ACOT4: variants seen among roughly 807,000 people sequenced by gnomAD.
The protein encoded by ACOT4 is peroxisomal succinyl-coenzyme A thioesterase.
A neutral mutation model predicts 17.1 loss-of-function variants in ACOT4; 18 were observed. The ratio of observed to expected loss-of-function variants is 1.05; its 90% CI spans 0.73 to 1.56. ACOT4 has a LOEUF of 1.56. Ranked by LOEUF, ACOT4 falls within the 40% of genes most tolerant of loss-of-function variation. ACOT4 has a pLI of 0.00. For missense variants in ACOT4, 574 were observed against 557.2 expected, an observed-to-expected ratio of 1.03 and a Z score of -0.30; for synonymous variants, 234 against 236.6, an observed-to-expected ratio of 0.99 and a Z score of 0.10.
In ACOT4 at chr14:73,592,151, C is replaced by T. The variant is rs778519195; in HGVS notation, c.192C>T (p.Arg64=). The T allele has an allele frequency of 2.4e-5, 39 of 1,594,464 alleles. No individual in the cohort carries two copies. In the Admixed American group the frequency reaches 2.8e-4, roughly 11 times the overall value. ...CCCGCGGCGAGCTGGACCTGGAGCG[C>T]GCACCCGCGCTGGGCGGCAGCTTCG... ...ADARGELDLE[R]APALGGSFAG... is the part of the protein sequence containing the mutation. Residue 64 remains arginine, a synonymous_variant, in exon 1 of 3, where the codon CGC becomes CGT. Coordinates refer to ENST00000326303, the MANE Select transcript of ACOT4 (RefSeq NM_152331.4).
chr14:73,592,087 G>T lies in ACOT4; in HGVS notation c.128G>T (p.Gly43Val). The T allele has an allele frequency of 6.7e-7, 1 of 1,490,432 alleles. No homozygotes were observed. Among genetic ancestry groups the T allele is most frequent in the Non-Finnish European group, 8.9e-7 (1 of 1,121,968 alleles). The allele number at this position is 1,490,432 out of a possible 1,614,324, so 92.3% of individuals were successfully genotyped here. Residue 43 changes from glycine to valine, a missense_variant, in exon 1 of 3, where the codon GGC (glycine) becomes GTC (valine). Coordinates refer to ENST00000326303, the MANE Select transcript of ACOT4 (RefSeq NM_152331.4). Reference sequence around the variant, plus strand: ...CGCGCGTCCCTGCGCGACGAGAAGGGCGCGCTCTTCCGGGCCCACGCGCGC... The same window carrying T: ...CGCGCGTCCCTGCGCGACGAGAAGGTCGCGCTCTTCCGGGCCCACGCGCGC... ...TLRASLRDEKGALFRAHARYC... is the reference protein window; with the variant it reads ...TLRASLRDEKVALFRAHARYC...
chr14:73,595,100 TG>T lies in ACOT4; in HGVS notation c.713del (p.Cys238PhefsTer8). 1 of 1,614,168 alleles carries T rather than the reference TG, an allele frequency of 6.2e-7. No homozygotes were observed. Among genetic ancestry groups the T allele is most frequent in the Non-Finnish European group, 8.5e-7 (1 of 1,180,032 alleles). Reference sequence around the variant, plus strand: ...GGGCATTTCTCTAGGAGCTGATATTTGTCTCTCAATGGCCTCATTCTTGAAG... The same window carrying T: ...GGGCATTTCTCTAGGAGCTGATATTTTCTCTCAATGGCCTCATTCTTGAAG... ...LLGISLGADI[C>X]LSMASFLKNV... On this transcript the variant is annotated frameshift_variant, in exon 3 of 3. Coordinates refer to ENST00000326303, the MANE Select transcript of ACOT4 (RefSeq NM_152331.4). LOFTEE classifies it low-confidence loss of function (END_TRUNC).
In ACOT4 at chr14:73,593,298, A is replaced by T. The variant is rs544755368; in HGVS notation, c.458-404A>T. Reference sequence around the variant, plus strand: ...AACCAGAGGGCTGATGCAACAGAACATAAAGTTTTGTTTCAATCTTTTTTC... The same window carrying T: ...AACCAGAGGGCTGATGCAACAGAACTTAAAGTTTTGTTTCAATCTTTTTTC... On this transcript the variant is annotated intron_variant, in intron 1 of 2. Transcript: ENST00000326303. Among the ~76,000 whole-genome samples the T allele has an allele frequency of 2.6e-5, 4 of 151,712 alleles. No individual in the cohort carries two copies. The South Asian group carries it at 8.4e-4, about 32-fold the overall frequency.
At chr14:73,593,096 A>T (rs1472795475) in intron 1 of ACOT4, among the ~76,000 whole-genome samples, 1 of 152,176 alleles carries the variant, frequency 6.6e-6, no homozygotes, top group Non-Finnish European at 1.5e-5. Context: ...TGAAGCTATT[A>T]CCATGTCGTC....
chr14:73,594,335 C>T (rs1420407007), intron 2 of ACOT4, among the ~76,000 whole-genome samples: 1 of 152,150 alleles, frequency 6.6e-6, no homozygotes, highest in African/African-American at 2.4e-5. Flanking sequence ...ATGAATGATT[C>T]ACATCTTGAA....
Position 73,591,899 on chromosome 14 carries a change from T to A in ACOT4, c.-61T>A. On this transcript the variant is annotated 5_prime_UTR_variant, in exon 1 of 3. It adds an upstream start codon to the 5' untranslated region. Coordinates refer to ENST00000326303, the MANE Select transcript of ACOT4 (RefSeq NM_152331.4). ...GACGCCGTCCGGACATTCGGCGCGC[T>A]TGCCACGATCTTGGACGGGTCTCGG... The A allele has an allele frequency of 2.3e-6, 3 of 1,320,790 alleles. No homozygotes were observed. In the South Asian group the frequency reaches 7.1e-5, roughly 31 times the overall value. The allele number at this position is 1,320,790 out of a possible 1,614,324, so 81.8% of individuals were successfully genotyped here. A position where few individuals can be genotyped will look rare whatever the true frequency, so the allele number is the denominator to read the frequency against.
chr14:73,591,964 C>T lies in ACOT4; in HGVS notation c.5C>T (p.Ser2Leu), dbSNP rs139476628. 1,065 of 1,382,822 alleles carry T rather than the reference C, an allele frequency of 7.7e-4. 17 individuals are homozygous for T. In the East Asian group the frequency reaches 0.031, roughly 40 times the overall value. 85.7% of individuals were successfully genotyped at this position (1,382,822 alleles called of 1,614,324 possible). The change falls in exon 1 of 3, where the codon TCA becomes TTA. Residue 2 changes from serine (S) to leucine (L), a missense_variant. Ser to Leu is a moderately radical substitution (Grantham distance 145). Coordinates refer to ENST00000326303, the MANE Select transcript of ACOT4 (RefSeq NM_152331.4). M[S>L]ATLILEPPGR... ...ATTCCCCGCTCCGGCTCCAAGATGT[C>T]AGCAACGCTGATCCTGGAGCCCCCA...
chr14:73,593,624 T>G, intron 1 of ACOT4, 78 bp from the exon 2 acceptor site: 1 of 1,388,402 alleles, frequency 7.2e-7, no homozygotes, highest in Non-Finnish European at 9.8e-7. Context: ...ATTACAAGCA[T>G]GAACCACAGT....
intron 1 of ACOT4, among the ~76,000 whole-genome samples, chr14:73,593,336 C>CTTTTTTTTTTTTTTTTTTTT (rs60704237): frequency 6.7e-5 from 7 of 104,870 alleles, no homozygotes; most frequent in Non-Finnish European, 9.0e-5. Context: ...TTCTTTCTTT[C>CTTTTTTTTTTTTTTTTTTTT]TTTTTTTTTT....
rs1566866336 is a variant in ACOT4 at position 73,595,368 on chromosome 14, A to AT, written c.981dup (p.Asn328Ter). On this transcript the variant is annotated frameshift_variant, in exon 3 of 3. Coordinates refer to ENST00000326303, the MANE Select transcript of ACOT4 (RefSeq NM_152331.4). LOFTEE classifies it low-confidence loss of function (END_TRUNC). ...CTGCTCATTGTTGGTCAGGATGACC[A>AT]TAACTGGAGAAGTGAGTTGTATGCC... 1 of 1,614,262 alleles carries AT rather than the reference A, an allele frequency of 6.2e-7. No homozygotes were observed. The highest frequency in any genetic ancestry group is 8.5e-7 in the Non-Finnish European group (1 of 1,180,052).
chr14:73,594,146 T>C (rs1375967995), intron 2 of ACOT4, among the ~76,000 whole-genome samples: 1 of 152,210 alleles, frequency 6.6e-6, no homozygotes. Context: ...ATATTGCAAA[T>C]TGAATTTCTA....
In ACOT4 at chr14:73,592,097, C is replaced by G; in HGVS notation, c.138C>G (p.Phe46Leu). The change falls in exon 1 of 3, where the codon TTC becomes TTG. Residue 46 changes from phenylalanine to leucine, a missense_variant. Transcript: ENST00000326303. ...TGCGCGACGAGAAGGGCGCGCTCTT[C>G]CGGGCCCACGCGCGCTACTGCGCCG... ...ASLRDEKGAL[F>L]RAHARYCADA... The G allele has an allele frequency of 6.7e-7, 1 of 1,500,914 alleles. No homozygotes were observed. The highest frequency in any genetic ancestry group is 8.9e-7 in the Non-Finnish European group (1 of 1,127,130). 93.0% of individuals were successfully genotyped at this position (1,500,914 alleles called of 1,614,324 possible). A position where few individuals can be genotyped will look rare whatever the true frequency, so the allele number is the denominator to read the frequency against.
intron 2 of ACOT4, 98 bp from the exon 3 acceptor site, chr14:73,594,951 C>T (rs947010002): frequency 1.7e-5 from 25 of 1,443,004 alleles, no homozygotes; most frequent in African/African-American, 9.9e-5. Context: ...GTGATCCGCC[C>T]GCCTCCGCCT....
intron 2 of ACOT4, 132 bp downstream of exon 2, chr14:73,594,036 A>T: frequency 2.8e-6 from 2 of 715,024 alleles, no homozygotes; most frequent in Middle Eastern, 5.3e-4. Context: ...TCCTTGGCTT[A>T]AGGTGCTATT....
Position 73,592,273 on chromosome 14 carries a change from A to G in ACOT4, c.314A>G (p.Glu105Gly). The G allele has an allele frequency of 6.2e-7, 1 of 1,612,786 alleles. No individual in the cohort carries two copies. The highest frequency in any genetic ancestry group is 1.1e-5 in the South Asian group (1 of 90,944). The change falls in exon 1 of 3, where the codon GAG (glutamate) becomes GGG (glycine). Residue 105 changes from glutamate (E) to glycine (G), a missense_variant. By Grantham distance (98) the Glu-to-Gly change is moderately conservative. Coordinates refer to ENST00000326303, the MANE Select transcript of ACOT4 (RefSeq NM_152331.4). ...KRDVQIPFVV[E>G]LEVLDGHDPE... The stretch of plus-strand genomic sequence containing the variant: ...GACGTACAGATTCCTTTTGTCGTGG[A>G]GTTGGAGGTGCTGGACGGCCACGAC...
rs1444698517 is a variant in ACOT4, at chr14:73,592,312, G to A, written c.353G>A (p.Arg118Gln). ...GACGGCCACGACCCCGAGCCTGGACGGCTGCTGTGCCAGGCGCAGCACGAG... is the reference window on the plus strand; with the variant it reads ...GACGGCCACGACCCCGAGCCTGGACAGCTGCTGTGCCAGGCGCAGCACGAG... ...VLDGHDPEPG[R>Q]LLCQAQHERH... is the part of the protein sequence containing the mutation. The change falls in exon 1 of 3, where the codon CGG (arginine) becomes CAG (glutamine). Residue 118 changes from arginine to glutamine, a missense_variant. By Grantham distance (43) the Arg-to-Gln change is conservative. Coordinates refer to ENST00000326303, the MANE Select transcript of ACOT4 (RefSeq NM_152331.4). The A allele has an allele frequency of 6.2e-7, 1 of 1,610,924 alleles. No individual in the cohort carries two copies. The highest frequency in any genetic ancestry group is 8.5e-7 in the Non-Finnish European group (1 of 1,178,634).
rs889288914 is a variant in ACOT4, at chr14:73,592,044, G to A, written c.85G>A (p.Glu29Lys). 1.9e-5 allele frequency: 28 copies of A among 1,466,122 alleles called. No homozygotes were observed. Among genetic ancestry groups the A allele is most frequent in the Non-Finnish European group, 2.5e-5 (28 of 1,111,366 alleles). 90.8% of individuals were successfully genotyped at this position (1,466,122 alleles called of 1,614,324 possible). The change falls in exon 1 of 3, where the codon GAG becomes AAG. Residue 29 changes from glutamate to lysine, a missense_variant. Transcript: ENST00000326303. ...VRIAVRGLAP[E>K]QRVTLRASLR... ...CATTGCCGTGCGCGGCCTGGCCCCGGAGCAGCGGGTTACGCTGCGCGCGTC... is the reference window on the plus strand; with the variant it reads ...CATTGCCGTGCGCGGCCTGGCCCCGAAGCAGCGGGTTACGCTGCGCGCGTC...
At position 73,593,625 on chromosome 14, in the gene ACOT4, G is replaced by A. The variant is rs751763406; in HGVS notation, c.458-77G>A. The A allele has an allele frequency of 5.0e-6, 7 of 1,394,918 alleles. 1 individual carries two copies. Among genetic ancestry groups the A allele is most frequent in the Middle Eastern group, 2.6e-4 (1 of 3,830 alleles). The allele number at this position is 1,394,918 out of a possible 1,614,324, so 86.4% of individuals were successfully genotyped here. ...CCTAAAGTGCTGAGATTACAAGCATGAACCACAGTGTCCAGCCAGGAAAGC... is the reference window on the plus strand; with the variant it reads ...CCTAAAGTGCTGAGATTACAAGCATAAACCACAGTGTCCAGCCAGGAAAGC... On this transcript the variant is annotated intron_variant, in intron 1 of 2. Transcript: ENST00000326303.
Position 73,592,112 on chromosome 14 carries a change from C to G in ACOT4, c.153C>G (p.Arg51=), listed in dbSNP as rs761519597. The G allele has an allele frequency of 7.8e-6, 12 of 1,541,010 alleles. No individual in the cohort carries two copies. The highest frequency in any genetic ancestry group is 1.4e-5 in the African/African-American group (1 of 69,920). The change falls in exon 1 of 3, where the codon CGC becomes CGG. Residue 51 remains arginine, a synonymous_variant. Coordinates refer to ENST00000326303, the MANE Select transcript of ACOT4 (RefSeq NM_152331.4). ...GCGCGCTCTTCCGGGCCCACGCGCG[C>G]TACTGCGCCGACGCCCGCGGCGAGC... The part of the protein sequence containing the change: ...EKGALFRAHA[R]YCADARGELD...
Sources: gnomAD v4.1 joint callset for allele counts (sites outside exome capture counted in the v4.1 genomes callset) on GRCh38, gnomAD v4.1.1 for gene constraint, MANE v1.5 for transcripts, NCBI Gene and HGNC (gene_info 2026-07-23, HGNC 2026-07-21) for gene names.